Variants in LRIG3 observed in about 807,000 individuals in gnomAD.
The protein encoded by LRIG3 is leucine rich repeats and immunoglobulin like domains 3, also known as leucine-rich repeats and immunoglobulin-like domains protein 3.
Under a neutral mutation model 114.5 loss-of-function variants are expected in LRIG3, and 76 were observed. The observed-to-expected ratio is 0.66, with a 90% CI of 0.55 to 0.80. LRIG3 has a LOEUF of 0.80. Ranked by LOEUF, LRIG3 falls within the 30% of genes least tolerant of loss-of-function variation. The probability of loss-of-function intolerance (pLI) is 0.00; values close to 1 mark genes in which losing one functional copy is unlikely to be tolerated. For missense variants in LRIG3, 1,239 were observed against 1,382.8 expected, an observed-to-expected ratio of 0.90 and a Z score of 1.65; for synonymous variants, 512 against 519.8, an observed-to-expected ratio of 0.98 and a Z score of 0.20.
At chr12:58,913,840 C>A in intron 3 of LRIG3, 142 bp downstream of exon 3, 1 of 632,904 alleles carries the variant, frequency 1.6e-6, no homozygotes, top group Non-Finnish European at 2.6e-6. Flanking sequence ...AACAAGTTAA[C>A]CAATTTAAAG....
chr12:58,916,073 TAAAA>T (rs1246731610), intron 1 of LRIG3, among the ~76,000 whole-genome samples: 1 of 152,080 alleles, frequency 6.6e-6, no homozygotes, highest in Admixed American at 6.5e-5. Flanking sequence ...TAATTAAAAA[TAAAA>T]AAACACTAAA....
intron 1 of LRIG3, chr12:58,919,323 T>C (rs1270322653): frequency 3.3e-6 from 5 of 1,496,642 alleles, no homozygotes; most frequent in Non-Finnish European, 3.6e-6. Context: ...CTGGGCGTTC[T>C]GAGGAGCTAC....
In LRIG3 at chr12:58,885,908, G is replaced by A; in HGVS notation, c.1173-6C>T. On this transcript the variant is annotated splice_polypyrimidine_tract_variant and splice_region_variant and intron_variant, in intron 9 of 18. Coordinates refer to ENST00000320743, the MANE Select transcript of LRIG3 (RefSeq NM_153377.5). Reference sequence around the variant, plus strand: ...TCCGATTTCCTTGGAGTATCCTGGGGAAAAAAATTACATTGGAGCACTTAA... The same window carrying A: ...TCCGATTTCCTTGGAGTATCCTGGGAAAAAAAATTACATTGGAGCACTTAA... The A allele has an allele frequency of 6.4e-7, 1 of 1,571,278 alleles. No homozygotes were observed.
chr12:58,884,969 G>T (rs1027292304), intron 10 of LRIG3, among the ~76,000 whole-genome samples: 1 of 152,084 alleles, frequency 6.6e-6, no homozygotes, highest in African/African-American at 2.4e-5. Context: ...GTTAAAACAT[G>T]CAAGTTTTGA....
intron 3 of LRIG3, among the ~76,000 whole-genome samples, chr12:58,911,751 C>T (rs1239659902): frequency 1.3e-5 from 2 of 152,018 alleles, no homozygotes; most frequent in African/African-American, 4.8e-5. Flanking sequence ...ATGTTTTACT[C>T]TACACAACAC....
Position 58,874,214 on chromosome 12 carries a change from T to C in LRIG3, c.2956A>G (p.Ser986Gly). 6.2e-7 allele frequency: 1 copy of C among 1,614,226 alleles called. No individual in the cohort carries two copies. The highest frequency in any genetic ancestry group is 8.5e-7 in the Non-Finnish European group (1 of 1,180,040). The change falls in exon 18 of 19, where the codon AGT becomes GGT. Residue 986 changes from serine (S) to glycine (G), a missense_variant. Transcript: ENST00000320743. ...PSEESCERSF[S>G]NISWPSHVRK... ...ACATGTGAAGGCCACGATATATTAC[T>C]GAAGCTCCGTTCGCAGGATTCTTCT...
At chr12:58,893,260 T>G (rs1871517037) in intron 3 of LRIG3, among the ~76,000 whole-genome samples, 1 of 152,234 alleles carries the variant, frequency 6.6e-6, no homozygotes, top group South Asian at 2.1e-4. Context: ...TTAAAACTCT[T>G]CTGAACAGTA....
Position 58,877,506 on chromosome 12 carries a change from G to A in LRIG3, c.2430C>T (p.Val810=), listed in dbSNP as rs375163124. ...CACAGCAAACCACGGCTATGATCAC[G>A]ACACCCACAGTGGCCCATCCGTCAT... ...LDDDGWATVG[V]VIIAVVCCVV... Residue 810 remains valine, a synonymous_variant, in exon 15 of 19, where the codon GTC becomes GTT. Transcript: ENST00000320743. The A allele has an allele frequency of 6.1e-5, 99 of 1,614,056 alleles. 1 individual carries two copies. The highest frequency in any genetic ancestry group is 7.2e-5 in the Non-Finnish European group (85 of 1,180,032).
intron 16 of LRIG3, among the ~76,000 whole-genome samples, chr12:58,875,044 T>TCA (rs1870868903): frequency 6.6e-6 from 1 of 152,172 alleles, no homozygotes; most frequent in Admixed American, 6.5e-5. Context: ...GTAAATGATA[T>TCA]CATCAGGGTT....
intron 3 of LRIG3, among the ~76,000 whole-genome samples, chr12:58,910,532 C>T (rs117904924): frequency 0.018 from 2,700 of 152,236 alleles, 33 homozygotes; most frequent in East Asian, 0.041. Flanking sequence ...GGCATGAACC[C>T]GGGCAGCGGA....
At chr12:58,919,507 T>C in intron 1 of LRIG3, 2 of 1,551,358 alleles carry the variant, frequency 1.3e-6, no homozygotes, top group South Asian at 1.2e-5. Flanking sequence ...CCGAATTCTG[T>C]TGAGGGGGCT....
chr12:58,878,555 T>G (rs773038011), intron 14 of LRIG3, among the ~76,000 whole-genome samples: 1 of 152,070 alleles, frequency 6.6e-6, no homozygotes, highest in East Asian at 1.9e-4. Context: ...TGATCCCCCA[T>G]AAAAGGGAAA....
chr12:58,910,702 C>A (rs75492175), intron 3 of LRIG3, among the ~76,000 whole-genome samples: 168 of 152,314 alleles, frequency 1.1e-3, no homozygotes, highest in Middle Eastern at 3.4e-3. Context: ...GGACACCAGG[C>A]AAGCATCTGC....
chr12:58,889,024 ATG>A, intron 5 of LRIG3, 62 bp from the exon 6 acceptor site: 1 of 1,506,128 alleles, frequency 6.6e-7, no homozygotes, highest in Admixed American at 1.9e-5. Context: ...TAGTAATAAA[ATG>A]TGTCATTACT....
chr12:58,907,128 T>C (rs1872096810), intron 3 of LRIG3, among the ~76,000 whole-genome samples: 1 of 152,164 alleles, frequency 6.6e-6, no homozygotes, highest in South Asian at 2.1e-4. Flanking sequence ...TGCCCAGGCA[T>C]CTTCCACTGT....
Position 58,880,790 on chromosome 12 carries a change from G to C in LRIG3, c.1592C>G (p.Thr531Ser). ...SAASSSDSPM[T>S]FAWKKDNELL... ...TTCATTGTCTTTTTTCCAAGCAAAA[G>C]TCATTGGGGAATCACTGCTGCTGGC... The change falls in exon 13 of 19, where the codon ACT (threonine) becomes AGT (serine). Residue 531 changes from threonine to serine, a missense_variant. Thr to Ser is a moderately conservative substitution (Grantham distance 58, BLOSUM62 1). Transcript: ENST00000320743. 1 of 1,614,166 alleles carries C rather than the reference G, an allele frequency of 6.2e-7. No individual in the cohort carries two copies. Among genetic ancestry groups the C allele is most frequent in the Non-Finnish European group, 8.5e-7 (1 of 1,180,016 alleles).
At chr12:58,888,269 T>G in intron 7 of LRIG3, 60 bp downstream of exon 7, 1 of 1,566,830 alleles carries the variant, frequency 6.4e-7, no homozygotes, top group Non-Finnish European at 8.7e-7. Context: ...GGTAAGAAGC[T>G]CATGCCCTGG....
chr12:58,912,116 G>C (rs1872301904), intron 3 of LRIG3, among the ~76,000 whole-genome samples: 1 of 152,206 alleles, frequency 6.6e-6, no homozygotes, highest in Non-Finnish European at 1.5e-5. Context: ...ACAATATGGA[G>C]AAGAGGACAA....
In LRIG3 at chr12:58,880,616, G is replaced by A. The variant is rs1871093956; in HGVS notation, c.1766C>T (p.Ser589Leu). 1.2e-6 allele frequency: 2 copies of A among 1,614,056 alleles called. No homozygotes were observed. Among genetic ancestry groups the A allele is most frequent in the African/African-American group, 2.7e-5 (2 of 75,042 alleles). The part of the protein sequence containing the change: ...YQCVISNHFG[S>L]SYSVKAKLTV... The stretch of plus-strand genomic sequence containing the variant: ...AAGCTTGGCTTTGACAGAGTAGGAT[G>A]AACCAAAGTGATTGGAGATGACACA... Residue 589 changes from serine to leucine, a missense_variant, in exon 13 of 19, where the codon TCA becomes TTA. Coordinates refer to ENST00000320743, the MANE Select transcript of LRIG3 (RefSeq NM_153377.5).
Sources: allele counts gnomAD v4.1 joint callset (sites outside exome capture counted in the v4.1 genomes callset), GRCh38; gene constraint gnomAD v4.1.1; transcripts MANE v1.5; gene names NCBI Gene and HGNC (gene_info 2026-07-23, HGNC 2026-07-21).